The following MTUS2 variants were observed in gnomAD, a reference collection of about 807,000 sequenced individuals.
The protein encoded by MTUS2 is microtubule associated scaffold protein 2.
Under a neutral mutation model 114.1 loss-of-function variants are expected in MTUS2, and 40 were observed. That is an observed-to-expected ratio of 0.35 (90% CI 0.27 to 0.46). MTUS2 has a LOEUF of 0.46. MTUS2 is among the 20% of genes least tolerant of loss of function. The pLI is 1.00. For missense variants in MTUS2, 1,679 were observed against 1,705.4 expected, an observed-to-expected ratio of 0.98 and a Z score of 0.27; for synonymous variants, 688 against 672.0, an observed-to-expected ratio of 1.02 and a Z score of -0.37.
intron 2 of MTUS2, among the ~76,000 whole-genome samples, chr13:28,956,598 C>T (rs646293): frequency 0.88 from 134,192 of 152,224 alleles, 59,325 homozygotes; most frequent in East Asian, 1. Context: ...AAAGACCATA[C>T]ATAATAAAGA....
At chr13:29,166,023 G>T (rs546035583) in intron 5 of MTUS2, among the ~76,000 whole-genome samples, 4 of 152,296 alleles carry the variant, frequency 2.6e-5, no homozygotes, top group Admixed American at 2.6e-4. Flanking sequence ...AGAGATCCTT[G>T]TCGTAAGGGA....
chr13:29,005,426 G>A (rs1379976771), intron 2 of MTUS2, among the ~76,000 whole-genome samples: 1 of 152,186 alleles, frequency 6.6e-6, no homozygotes, highest in African/African-American at 2.4e-5. Flanking sequence ...GTTCTGTTGA[G>A]TGTCTGTTAC....
chr13:29,245,549 C>T (rs1028245564), intron 5 of MTUS2, among the ~76,000 whole-genome samples: 14 of 152,166 alleles, frequency 9.2e-5, no homozygotes, highest in Non-Finnish European at 4.4e-5. Context: ...CCTTATAACT[C>T]ATGAAAGAGA....
At chr13:29,395,282 C>A (rs1873824288) in intron 8 of MTUS2, among the ~76,000 whole-genome samples, 1 of 152,156 alleles carries the variant, frequency 6.6e-6, no homozygotes, top group South Asian at 2.1e-4. Context: ...CTTGTTCAGT[C>A]TGGAGGCTGT....
chr13:29,092,654 A>G (rs996873390), intron 4 of MTUS2, among the ~76,000 whole-genome samples: 3 of 152,118 alleles, frequency 2.0e-5, no homozygotes, highest in Non-Finnish European at 4.4e-5. Context: ...TGCACAAGCC[A>G]GGCATGGCCC....
At chr13:29,467,644 A>G (rs1037472365) in intron 9 of MTUS2, among the ~76,000 whole-genome samples, 14 of 152,152 alleles carry the variant, frequency 9.2e-5, no homozygotes, top group Non-Finnish European at 4.4e-5. Flanking sequence ...TTTCTTTGCA[A>G]AAACTCATAA....
chr13:29,269,650 C>G (rs751309922), intron 5 of MTUS2, among the ~76,000 whole-genome samples: 1 of 152,152 alleles, frequency 6.6e-6, no homozygotes, highest in Non-Finnish European at 1.5e-5. Flanking sequence ...AAACAGTTCA[C>G]TGGTTCCTTG....
At chr13:29,245,346 A>C (rs1171359490) in intron 5 of MTUS2, among the ~76,000 whole-genome samples, 1 of 152,182 alleles carries the variant, frequency 6.6e-6, no homozygotes, top group East Asian at 1.9e-4. Flanking sequence ...CACCAGAGAA[A>C]TCTGCAGGGA....
intron 14 of MTUS2, 119 bp from the exon 15 acceptor site, chr13:29,500,978 G>A (rs1053617909): frequency 4.2e-6 from 3 of 722,202 alleles, no homozygotes; most frequent in East Asian, 2.6e-5. Context: ...AAAGCATTGC[G>A]AACTGATGTT....
chr13:29,456,679 A>G (rs1306019518), intron 9 of MTUS2, among the ~76,000 whole-genome samples: 1 of 152,228 alleles, frequency 6.6e-6, no homozygotes, highest in African/African-American at 2.4e-5. Context: ...AGAAATGAAC[A>G]GAGCCCAGAA....
chr13:29,346,615 T>C, intron 7 of MTUS2, among the ~76,000 whole-genome samples: 1 of 34,022 alleles, frequency 2.9e-5, no homozygotes, highest in Non-Finnish European at 1.0e-4. Flanking sequence ...GAGAAAGGTT[T>C]CACGTCTCCC....
At chr13:29,154,862 A>AT (rs1223194006) in intron 5 of MTUS2, among the ~76,000 whole-genome samples, 3 of 152,198 alleles carry the variant, frequency 2.0e-5, no homozygotes, top group African/African-American at 7.2e-5. Flanking sequence ...TGAGTCTATA[A>AT]TTTTTTAAGA....
chr13:28,828,387 C>T (rs533805623), intron 1 of MTUS2, among the ~76,000 whole-genome samples: 2 of 152,160 alleles, frequency 1.3e-5, no homozygotes, highest in Admixed American at 6.5e-5. Flanking sequence ...TGACATTCAT[C>T]CTCAGCTTAT....
chr13:29,184,296 T>C (rs1296321524), intron 5 of MTUS2, among the ~76,000 whole-genome samples: 2 of 152,220 alleles, frequency 1.3e-5, no homozygotes, highest in Non-Finnish European at 2.9e-5. Context: ...GGGGCCTCCC[T>C]TATTTCCTCA....
intron 5 of MTUS2, among the ~76,000 whole-genome samples, chr13:29,101,649 C>T (rs182130066): frequency 2.4e-4 from 37 of 152,326 alleles, no homozygotes; most frequent in Admixed American, 5.9e-4. Flanking sequence ...AACCCCATCT[C>T]AGTCACCACT....
intron 2 of MTUS2, among the ~76,000 whole-genome samples, chr13:28,998,142 A>T (rs1426220739): frequency 6.6e-6 from 1 of 151,712 alleles, no homozygotes; most frequent in African/African-American, 2.4e-5. Flanking sequence ...TTTCTCCTTC[A>T]CTTATGAAGC....
At chr13:29,338,750 T>G (rs1901220323) in intron 7 of MTUS2, among the ~76,000 whole-genome samples, 2 of 152,224 alleles carry the variant, frequency 1.3e-5, no homozygotes, top group African/African-American at 4.8e-5. Context: ...TTCTATAATT[T>G]TTTTAATAAA....
chr13:29,030,732 T>C (rs1886777579), intron 3 of MTUS2, among the ~76,000 whole-genome samples: 1 of 152,216 alleles, frequency 6.6e-6, no homozygotes, highest in African/African-American at 2.4e-5. Flanking sequence ...AGCCAGATTT[T>C]TTTTTAAATA....
chr13:29,339,748 A>C (rs930237192), intron 7 of MTUS2: 1 of 169,094 alleles, frequency 5.9e-6, no homozygotes, highest in Non-Finnish European at 1.3e-5. Context: ...AGTTGGGAGG[A>C]GCGGTGAGGA....
Sources: gnomAD v4.1 joint callset for allele counts (sites outside exome capture counted in the v4.1 genomes callset) on GRCh38, gnomAD v4.1.1 for gene constraint, MANE v1.5 for transcripts, NCBI Gene and HGNC (gene_info 2026-07-23, HGNC 2026-07-21) for gene names.